The following GPC6 variants were observed in gnomAD, a reference collection of about 807,000 sequenced individuals.
GPC6 encodes glypican-6.
Under a neutral mutation model 55.2 loss-of-function variants are expected in GPC6, and 14 were observed. The ratio of observed to expected loss-of-function variants is 0.25; its 90% CI spans 0.17 to 0.40. The LOEUF is 0.40. GPC6 is among the 10% of genes least tolerant of loss of function. The probability of loss-of-function intolerance (pLI) is 1.00; values close to 1 mark genes in which losing one functional copy is unlikely to be tolerated. For missense variants in GPC6, 641 were observed against 708.5 expected (o/e 0.90, Z 1.08); for synonymous variants, 278 against 259.6 (o/e 1.07, Z -0.68).
intron 2 of GPC6, among the ~76,000 whole-genome samples, chr13:93,564,302 G>T (rs1875974948): frequency 6.6e-6 from 1 of 151,954 alleles, no homozygotes. Flanking sequence ...TTAAATGTCA[G>T]CAGATATTGT....
At chr13:93,895,214 G>GTA (rs1555339934) in intron 3 of GPC6, among the ~76,000 whole-genome samples, 16 of 77,380 alleles carry the variant, frequency 2.1e-4, no homozygotes, top group South Asian at 4.2e-4. Context: ...GTGTGTGTGT[G>GTA]TGTATGTATG....
At chr13:93,462,860 A>G (rs186732670) in intron 1 of GPC6, among the ~76,000 whole-genome samples, 68 of 152,104 alleles carry the variant, frequency 4.5e-4, no homozygotes, top group African/African-American at 1.6e-3. Context: ...GTGTCTCTGC[A>G]TCACCTGTGT....
chr13:94,350,339 G>A (rs1878480896), intron 6 of GPC6, among the ~76,000 whole-genome samples: 1 of 151,996 alleles, frequency 6.6e-6, no homozygotes, highest in Non-Finnish European at 1.5e-5. Flanking sequence ...GAGTCTCTGT[G>A]GTCCAGACTT....
At chr13:93,744,580 A>G (rs922753522) in intron 2 of GPC6, among the ~76,000 whole-genome samples, 1 of 112,416 alleles carries the variant, frequency 8.9e-6, no homozygotes, top group Non-Finnish European at 1.7e-5. Context: ...CTCCACTTTT[A>G]TAAGTAAGAA....
chr13:93,407,140 A>G (rs1321451572), intron 1 of GPC6, among the ~76,000 whole-genome samples: 2 of 152,102 alleles, frequency 1.3e-5, no homozygotes, highest in African/African-American at 4.8e-5. Flanking sequence ...TATGCAGGAG[A>G]ATGTCCTTAT....
intron 4 of GPC6, among the ~76,000 whole-genome samples, chr13:94,229,140 G>T (rs1594078702): frequency 6.6e-6 from 1 of 152,174 alleles, no homozygotes; most frequent in Admixed American, 6.6e-5. Context: ...CTCATGAAAT[G>T]ATATTCATCT....
chr13:93,476,582 G>T (rs980546201), intron 1 of GPC6, among the ~76,000 whole-genome samples: 1 of 152,264 alleles, frequency 6.6e-6, no homozygotes, highest in East Asian at 1.9e-4. Context: ...GGTGGATAGA[G>T]TTCTTAATAC....
chr13:93,861,156 A>T (rs1371371084), intron 3 of GPC6, among the ~76,000 whole-genome samples: 2 of 151,552 alleles, frequency 1.3e-5, no homozygotes, highest in African/African-American at 4.8e-5. Context: ...ACTAGCTGTT[A>T]TTCATAATAA....
chr13:93,769,171 G>A (rs1461064975), intron 2 of GPC6, among the ~76,000 whole-genome samples: 1 of 151,986 alleles, frequency 6.6e-6, no homozygotes, highest in Non-Finnish European at 1.5e-5. Flanking sequence ...ATGCCCTTTT[G>A]TCTTCCATTA....
intron 6 of GPC6, among the ~76,000 whole-genome samples, chr13:94,358,299 A>C (rs1451357956): frequency 6.6e-6 from 1 of 151,876 alleles, no homozygotes; most frequent in Non-Finnish European, 1.5e-5. Flanking sequence ...AAAAAAAAAA[A>C]AAGAAAAAGG....
At chr13:93,687,693 AAC>A (rs1293641441) in intron 2 of GPC6, among the ~76,000 whole-genome samples, 1 of 152,090 alleles carries the variant, frequency 6.6e-6, no homozygotes, top group Non-Finnish European at 1.5e-5. Flanking sequence ...AATAAGTGCT[AAC>A]ATATTAATGT....
At chr13:93,425,093 A>C (rs1332810047) in intron 1 of GPC6, among the ~76,000 whole-genome samples, 1 of 152,190 alleles carries the variant, frequency 6.6e-6, no homozygotes, top group East Asian at 1.9e-4. Flanking sequence ...AAAGTAATCC[A>C]AAAAATTTTC....
intron 4 of GPC6, among the ~76,000 whole-genome samples, chr13:94,107,341 T>C (rs1886091944): frequency 6.6e-6 from 1 of 152,204 alleles, no homozygotes; most frequent in Non-Finnish European, 1.5e-5. Flanking sequence ...AGTTAGGAAC[T>C]GTCCTTGCCT....
At chr13:93,320,891 T>C (rs1206230505) in intron 1 of GPC6, among the ~76,000 whole-genome samples, 4 of 152,176 alleles carry the variant, frequency 2.6e-5, no homozygotes, top group Non-Finnish European at 4.4e-5. Flanking sequence ...GTGTTTCTCA[T>C]TGCTAATTCA....
At chr13:93,502,086 C>A (rs930784816) in intron 1 of GPC6, among the ~76,000 whole-genome samples, 5 of 152,034 alleles carry the variant, frequency 3.3e-5, no homozygotes, top group Non-Finnish European at 7.4e-5. Context: ...AATCTTCAGG[C>A]TTTCTGTATA....
chr13:93,891,655 T>C (rs148408157), intron 3 of GPC6, among the ~76,000 whole-genome samples: 83 of 146,768 alleles, frequency 5.7e-4, no homozygotes, highest in African/African-American at 8.3e-5. Flanking sequence ...ACACACTATG[T>C]ACACACACAC....
At chr13:93,665,878 G>A (rs1343343064) in intron 2 of GPC6, among the ~76,000 whole-genome samples, 1 of 152,122 alleles carries the variant, frequency 6.6e-6, no homozygotes, top group Non-Finnish European at 1.5e-5. Context: ...AATGATATCT[G>A]CCACACGATG....
intron 5 of GPC6, among the ~76,000 whole-genome samples, chr13:94,293,110 C>A (rs537730334): frequency 1.3e-4 from 20 of 152,236 alleles, no homozygotes; most frequent in Admixed American, 3.9e-4. Context: ...AGGAAAGAAT[C>A]TCCCAGTAAC....
intron 2 of GPC6, among the ~76,000 whole-genome samples, chr13:93,715,893 A>C (rs1357335784): frequency 6.6e-6 from 1 of 151,622 alleles, no homozygotes; most frequent in Non-Finnish European, 1.5e-5. Flanking sequence ...ATCTGTATGC[A>C]CATTAAAGTT....
Sources: gnomAD v4.1 joint callset for allele counts (sites outside exome capture counted in the v4.1 genomes callset) on GRCh38, gnomAD v4.1.1 for gene constraint, MANE v1.5 for transcripts, NCBI Gene and HGNC (gene_info 2026-07-23, HGNC 2026-07-21) for gene names.